PLK3: variants seen among roughly 807,000 people sequenced by gnomAD.
The protein encoded by PLK3 is polo like kinase 3.
In PLK3, 41 loss-of-function variants were observed where a neutral mutation model predicts 71.6. That is an observed-to-expected ratio of 0.57 (90% confidence interval 0.45 to 0.74). The LOEUF is 0.74. Among genes scored for constraint, PLK3 ranks in the 30% least tolerant of loss-of-function variants. PLK3 has a pLI of 0.00. For synonymous variants in PLK3, 366 were observed against 355.4 expected (o/e 1.03, Z -0.33); for missense variants, 791 against 875.6 (o/e 0.90, Z 1.22).
At chr1:44,802,910 G>A in intron 6 of PLK3, 45 bp from the exon 7 acceptor site, 1 of 1,606,908 alleles carries the variant, frequency 6.2e-7, no homozygotes, top group African/African-American at 1.3e-5. Flanking sequence ...TGTGGGTGGA[G>A]CATCTCCTCC....
At position 44,803,893 on chromosome 1, in the gene PLK3, G is replaced by A. The variant is rs940149142; in HGVS notation, c.1165-38G>A. On this transcript the variant is annotated intron_variant, in intron 9 of 14. Coordinates refer to ENST00000372201, the MANE Select transcript of PLK3 (RefSeq NM_004073.4). The surrounding 1 kb of genome is among the most constrained non-coding windows in gnomAD (Gnocchi z 4.3). ...CATGGACTCAAGGGTTTGGATTTTG[G>A]GGCCTGTGTCACTCCCTTTCCCTGC... is the stretch of plus-strand genomic sequence containing the variant. 40 of 1,439,716 alleles carry A rather than the reference G, an allele frequency of 2.8e-5. No individual in the cohort carries two copies. Among genetic ancestry groups the A allele is most frequent in the Non-Finnish European group, 3.5e-5 (37 of 1,046,780 alleles). The allele number at this position is 1,439,716 out of a possible 1,614,324, so 89.2% of individuals were successfully genotyped here.
In PLK3 at chr1:44,800,773, C is replaced by A; in HGVS notation, c.211-67C>A. 2.6e-6 allele frequency: 4 copies of A among 1,548,746 alleles called. No individual in the cohort carries two copies. Among genetic ancestry groups the A allele is most frequent in the Admixed American group, 1.9e-5 (1 of 51,462 alleles). On this transcript the variant is annotated intron_variant, in intron 1 of 14. Transcript: ENST00000372201. The surrounding 1 kb of genome is among the most constrained non-coding windows in gnomAD (Gnocchi z 6.5). The stretch of plus-strand genomic sequence containing the variant: ...CAGGGCGTGGGCACTTGACCCCCAA[C>A]GCGGGGACGCCCGCGGGCCAGACTC...
At chr1:44,802,708 G>T in intron 5 of PLK3, 52 bp from the exon 6 acceptor site, 1 of 1,248,106 alleles carries the variant, frequency 8.0e-7, no homozygotes, top group Non-Finnish European at 1.2e-6. Context: ...AGGAGTCGGG[G>T]GGCTGCTGGG....
chr1:44,804,474 C>T lies in PLK3; in HGVS notation c.1478C>T (p.Thr493Ile). 6.2e-7 allele frequency: 1 copy of T among 1,614,198 alleles called. No individual in the cohort carries two copies. The highest frequency in any genetic ancestry group is 8.5e-7 in the Non-Finnish European group (1 of 1,180,018). Residue 493 changes from threonine to isoleucine, a missense_variant, in exon 12 of 15, where the codon ACA becomes ATA. By Grantham distance (89) the Thr-to-Ile change is moderately conservative (BLOSUM62 -1). Transcript: ENST00000372201. ...RRVAVLFNDG[T>I]HMALSANRKT... ...GTGGCTGTGCTCTTCAACGATGGCA[C>T]ACATATGGCCCTGTCGGCCAACAGA...
In PLK3 at chr1:44,803,950, C is replaced by T; in HGVS notation, c.1184C>T (p.Pro395Leu). The change falls in exon 10 of 15, where the codon CCA (proline) becomes CTA (leucine). Residue 395 changes from proline to leucine, a missense_variant. Physicochemically the swap from Pro to Leu is moderately conservative, Grantham distance 98 (BLOSUM62 -3). Transcript: ENST00000372201. This position sits in a 1 kb window ranked among gnomAD's most constrained non-coding sequence, Gnocchi z 4.3. ...ARPEAPAASGPAPVSLVETAP... is the reference protein window; with the variant it reads ...ARPEAPAASGLAPVSLVETAP... ...CTCCAGGCTCCAGCAGCTTCTGGCC[C>T]AGCCCCTGTCAGCCTGGTAGAGACA... The T allele has an allele frequency of 2.6e-6, 4 of 1,551,554 alleles. No individual in the cohort carries two copies. Among genetic ancestry groups the T allele is most frequent in the Non-Finnish European group, 3.5e-6 (4 of 1,146,782 alleles).
rs17878296 is a variant in PLK3, at chr1:44,804,965, C to T, written c.1635+186C>T. On this transcript the variant is annotated intron_variant, in intron 13 of 14. Transcript: ENST00000372201. The stretch of plus-strand genomic sequence containing the variant: ...CTAAAAATACAACAAATTAGCCGGG[C>T]GTGGTGGCGGGCGCCTGTAGTCCCA... The T allele has an allele frequency of 3.8e-4, 237 of 617,690 alleles. 2 individuals are homozygous for T. In the African/African-American group the frequency reaches 3.9e-3, roughly 10 times the overall value. 38.3% of individuals were successfully genotyped at this position (617,690 alleles called of 1,614,324 possible).
intron 10 of PLK3, 43 bp downstream of exon 10, chr1:44,804,067 G>T: frequency 6.5e-7 from 1 of 1,546,226 alleles, no homozygotes; most frequent in East Asian, 2.3e-5. Context: ...GGTTGCTGGA[G>T]CTGAGATCAG....
chr1:44,800,697 G>A lies in PLK3; in HGVS notation c.210+24G>A, dbSNP rs1203662877. 2 of 1,548,634 alleles carry A rather than the reference G, an allele frequency of 1.3e-6. No individual in the cohort carries two copies. The highest frequency in any genetic ancestry group is 2.7e-5 in the African/African-American group (2 of 73,588). On this transcript the variant is annotated intron_variant, in intron 1 of 14. Coordinates refer to ENST00000372201, the MANE Select transcript of PLK3 (RefSeq NM_004073.4). This position sits in a 1 kb window ranked among gnomAD's most constrained non-coding sequence, Gnocchi z 6.5. ...AGGTGGGCCGAGGGACGTCCGCGGG[G>A]TGGTGATGGTGGAGGTGGGGGTCCC...
chr1:44,801,133 T>C lies in PLK3; in HGVS notation c.416T>C (p.Leu139Ser). Residue 139 changes from leucine to serine, a missense_variant, in exon 3 of 15, where the codon TTG becomes TCG. Transcript: ENST00000372201. ...FEDADNIYIF[L>S]ELCSRKSLAH... ...GACGCTGACAACATCTACATTTTCT[T>C]GGAGCTCTGCAGCCGAAAGGTGAAA... 4 of 1,611,458 alleles carry C rather than the reference T, an allele frequency of 2.5e-6. No homozygotes were observed. Among genetic ancestry groups the C allele is most frequent in the South Asian group, 1.1e-5 (1 of 91,024 alleles).
chr1:44,801,586 G>A lies in PLK3; in HGVS notation c.436-36G>A, dbSNP rs17880618. On this transcript the variant is annotated intron_variant, in intron 3 of 14. Transcript: ENST00000372201. ...ACAGATGGAGGGGGAGGGGGAGGGA[G>A]GGCTCACCAGGGGCTGAGGCAGTGG... 12,409 of 1,604,152 alleles carry A rather than the reference G, an allele frequency of 7.7e-3. 69 individuals are homozygous for A. The highest frequency in any genetic ancestry group is 9.0e-3 in the Non-Finnish European group (10,520 of 1,173,454).
chr1:44,805,489 G>A lies in PLK3; in HGVS notation c.1752G>A (p.Val584=). Residue 584 remains valine (V), a splice_region_variant and synonymous_variant, in exon 15 of 15, where the codon GTG becomes GTA. Coordinates refer to ENST00000372201, the MANE Select transcript of PLK3 (RefSeq NM_004073.4). ...CCACTGTCATGCTCTGTGTGCAGGT[G>A]AACTTCTACGGGGACCACACCAAGC... is the stretch of plus-strand genomic sequence containing the variant. The part of the protein sequence containing the change: ...LMLFSDGTVQ[V]NFYGDHTKLI... 1.2e-6 allele frequency: 2 copies of A among 1,614,146 alleles called. No individual in the cohort carries two copies. Among genetic ancestry groups the A allele is most frequent in the Non-Finnish European group, 1.7e-6 (2 of 1,179,982 alleles).
At chr1:44,801,500 A>G in intron 3 of PLK3, 122 bp from the exon 4 acceptor site, 2 of 1,074,142 alleles carry the variant, frequency 1.9e-6, no homozygotes, top group Non-Finnish European at 2.7e-6. Flanking sequence ...GAGCCACTAC[A>G]CCCAGCCGAG....
At position 44,804,213 on chromosome 1, in the gene PLK3, G is replaced by A. The variant is rs1437391313; in HGVS notation, c.1309G>A (p.Ala437Thr). 3 of 1,613,984 alleles carry A rather than the reference G, an allele frequency of 1.9e-6. No individual in the cohort carries two copies. Among genetic ancestry groups the A allele is most frequent in the Non-Finnish European group, 2.5e-6 (3 of 1,179,874 alleles). ...VATVVESALC[A>T]LRNCIAFMPP... The stretch of plus-strand genomic sequence containing the variant: ...CACAGTAGTGGAGTCAGCCCTTTGT[G>A]CTCTGAGAAATTGTATAGCCTTCAT... The change falls in exon 11 of 15, where the codon GCT becomes ACT. Residue 437 changes from alanine to threonine, a missense_variant. Ala to Thr is a moderately conservative substitution (Grantham distance 58). Transcript: ENST00000372201.
rs1652021448 is a variant in PLK3 at position 44,805,859 on chromosome 1, A to G, written c.*181A>G. 4 of 1,393,962 alleles carry G rather than the reference A, an allele frequency of 2.9e-6. No individual in the cohort carries two copies. Among genetic ancestry groups the G allele is most frequent in the Non-Finnish European group, 3.8e-6 (4 of 1,047,822 alleles). 86.3% of individuals were successfully genotyped at this position (1,393,962 alleles called of 1,614,324 possible). A position where few individuals can be genotyped will look rare whatever the true frequency, so the allele number is the denominator to read the frequency against. The stretch of plus-strand genomic sequence containing the variant: ...CGCTGGCTCCTACCCCATCTCCAAG[A>G]TAAGCCTGAGCCTTAGCTCCCAGCT... On this transcript the variant is annotated 3_prime_UTR_variant, in exon 15 of 15. Transcript: ENST00000372201.
chr1:44,801,130 TCTTGGAGCTCTGCAGCC>T lies in PLK3; in HGVS notation c.414_430del (p.Phe138LeufsTer52), dbSNP rs1651814687. Reference sequence around the variant, plus strand: ...GAGGACGCTGACAACATCTACATTTTCTTGGAGCTCTGCAGCCGAAAGGTGAAAGATGGTGATTCCCG... The same window carrying T: ...GAGGACGCTGACAACATCTACATTTTGAAAGGTGAAAGATGGTGATTCCCG... On this transcript the variant is annotated frameshift_variant, in exon 3 of 15. Transcript: ENST00000372201. LOFTEE classifies it high-confidence loss of function. 1 of 1,612,472 alleles carries T rather than the reference TCTTGGAGCTCTGCAGCC, an allele frequency of 6.2e-7. No individual in the cohort carries two copies. Among genetic ancestry groups the T allele is most frequent in the Admixed American group, 1.7e-5 (1 of 59,980 alleles).
Position 44,803,416 on chromosome 1 carries a change from G to A in PLK3, c.1072+25G>A. The A allele has an allele frequency of 6.2e-7, 1 of 1,613,750 alleles. No homozygotes were observed. Among genetic ancestry groups the A allele is most frequent in the Non-Finnish European group, 8.5e-7 (1 of 1,179,906 alleles). On this transcript the variant is annotated intron_variant, in intron 8 of 14. Transcript: ENST00000372201. This position sits in a 1 kb window ranked among gnomAD's most constrained non-coding sequence, Gnocchi z 4.3. ...AGTGAGTCTGGGGTGTCAGTGGGTT[G>A]AGGGGGCAGAGCAGTAGAGCGGCTT...
chr1:44,805,955 G>T lies in PLK3; in HGVS notation c.*277G>T. 1 of 1,509,430 alleles carries T rather than the reference G, an allele frequency of 6.6e-7. No homozygotes were observed. The highest frequency in any genetic ancestry group is 8.9e-7 in the Non-Finnish European group (1 of 1,129,176). The allele number at this position is 1,509,430 out of a possible 1,614,324, so 93.5% of individuals were successfully genotyped here. The stretch of plus-strand genomic sequence containing the variant: ...ATTTATTGGGATGTGAGCCCCAGGG[G>T]GGCCTCCTCCTAGGATAATAAACAA... On this transcript the variant is annotated 3_prime_UTR_variant, in exon 15 of 15. Coordinates refer to ENST00000372201, the MANE Select transcript of PLK3 (RefSeq NM_004073.4).
rs1236573533 is a variant in PLK3 at position 44,803,246 on chromosome 1, T to A, written c.949-22T>A. 1 of 1,613,700 alleles carries A rather than the reference T, an allele frequency of 6.2e-7. No homozygotes were observed. Among genetic ancestry groups the A allele is most frequent in the Non-Finnish European group, 8.5e-7 (1 of 1,179,738 alleles). ...GGACCCCTGGAGCCTCTCTTCTCTG[T>A]TCACATGGTTCCCCTCCCTAGGGCT... On this transcript the variant is annotated intron_variant, in intron 7 of 14. Coordinates refer to ENST00000372201, the MANE Select transcript of PLK3 (RefSeq NM_004073.4). This position sits in a 1 kb window ranked among gnomAD's most constrained non-coding sequence, Gnocchi z 4.3.
intron 5 of PLK3, among the ~76,000 whole-genome samples, chr1:44,802,403 GTGT>G (rs1416513444): frequency 2.6e-5 from 4 of 152,096 alleles, no homozygotes; most frequent in African/African-American, 4.8e-5. Flanking sequence ...GTGACAGCTG[GTGT>G]TGGTGTGTGT....
Sources: allele counts gnomAD v4.1 joint callset (sites outside exome capture counted in the v4.1 genomes callset), GRCh38; gene constraint gnomAD v4.1.1; non-coding constraint Gnocchi (gnomAD v3.1); transcripts MANE v1.5; gene names NCBI Gene and HGNC (gene_info 2026-07-23, HGNC 2026-07-21).